HCAR1: variants seen among roughly 807,000 people sequenced by gnomAD.
HCAR1 encodes the protein G protein-coupled receptor 104.
For missense variants in HCAR1, 445 were observed against 448.7 expected, an observed-to-expected ratio of 0.99 and a Z score of 0.07; for synonymous variants, 183 against 182.1, an observed-to-expected ratio of 1.01 and a Z score of -0.04.
At position 122,729,606 on chromosome 12, in the gene HCAR1, CAGAGGAAAT is replaced by C; in HGVS notation, c.725_733del (p.Tyr242_Leu244del). 1 of 1,614,070 alleles carries C rather than the reference CAGAGGAAAT, an allele frequency of 6.2e-7. No individual in the cohort carries two copies. Among genetic ancestry groups the C allele is most frequent in the African/African-American group, 1.3e-5 (1 of 74,994 alleles). On this transcript the variant is annotated inframe_deletion, in exon 1 of 1. Transcript: ENST00000432564. ...ATCGCAGGCACTCGAGGGCACCGTC[CAGAGGAAAT>C]AGAGTCTAGCAGACACGCTGGGCAG...
Position 122,726,606 on chromosome 12 carries a change from A to G in HCAR1, c.*2693T>C, listed in dbSNP as rs1201661000. The stretch of plus-strand genomic sequence containing the variant: ...ACAGACGAGGAAAATGAAGCTACAA[A>G]TGATTAAATAAAATCTGCCAGGCTG... On this transcript the variant is annotated 3_prime_UTR_variant, in exon 1 of 1. Transcript: ENST00000432564. 1 of 152,148 alleles carries G rather than the reference A, an allele frequency of 6.6e-6. No homozygotes were observed. The highest frequency in any genetic ancestry group is 1.5e-5 in the Non-Finnish European group (1 of 68,044). 9.4% of individuals were successfully genotyped at this position (152,148 alleles called of 1,614,324 possible).
Position 122,729,429 on chromosome 12 carries a change from T to G in HCAR1, c.911A>C (p.His304Pro), listed in dbSNP as rs1310094464. 1 of 1,613,932 alleles carries G rather than the reference T, an allele frequency of 6.2e-7. No individual in the cohort carries two copies. Among genetic ancestry groups the G allele is most frequent in the Non-Finnish European group, 8.5e-7 (1 of 1,180,038 alleles). Residue 304 changes from histidine (H) to proline (P), a missense_variant, in exon 1 of 1, where the codon CAC (histidine) becomes CCC (proline). Transcript: ENST00000432564. Reference sequence around the variant, plus strand: ...CTCTTCCGGCCTTTGTGTTTTTGAGTGTCCTGGCTGCTTGGGTTTCAGACT... The same window carrying G: ...CTCTTCCGGCCTTTGTGTTTTTGAGGGTCCTGGCTGCTTGGGTTTCAGACT... ...ICSLKPKQPG[H>P]SKTQRPEEMP...
Position 122,730,260 on chromosome 12 carries a change from A to G in HCAR1, c.80T>C (p.Val27Ala). ...GACCCCATTGCCTAGTGCGCCCAGC[A>G]CAAAGGCCACAATGAGCAGCGGCGG... ...VMPPLLIVAF[V>A]LGALGNGVAL... is the part of the protein sequence containing the mutation. Residue 27 changes from valine (V) to alanine (A), a missense_variant, in exon 1 of 1, where the codon GTG becomes GCG. Physicochemically the swap from Val to Ala is moderately conservative, Grantham distance 64 (BLOSUM62 0). Coordinates refer to ENST00000432564, the MANE Select transcript of HCAR1 (RefSeq NM_032554.4). 6.2e-7 allele frequency: 1 copy of G among 1,611,402 alleles called. No individual in the cohort carries two copies. Among genetic ancestry groups the G allele is most frequent in the Non-Finnish European group, 8.5e-7 (1 of 1,178,324 alleles).
At position 122,730,217 on chromosome 12, in the gene HCAR1, G is replaced by A. The variant is rs74984046; in HGVS notation, c.123C>T (p.Cys41=). ...TGGGCTTCCAGGTCTTCATGTGGAA[G>A]CAGAAACCACACAGGGCGACCCCAT... The part of the protein sequence containing the change: ...LGNGVALCGF[C]FHMKTWKPST... Residue 41 remains cysteine, a synonymous_variant, in exon 1 of 1, where the codon TGC becomes TGT. Transcript: ENST00000432564. The A allele has an allele frequency of 4.2e-4, 670 of 1,614,208 alleles. 1 individual carries two copies. The East Asian group carries it at 6.8e-3, about 16-fold the overall frequency.
In HCAR1 at chr12:122,729,268, C is replaced by CT. The variant is rs1368412345; in HGVS notation, c.*30dup. Reference sequence around the variant, plus strand: ...CACGAGTTAATTCTAAGTCACCACTCTATCTTCCTCAGTGTTGTTGGTCTG... The same window carrying CT: ...CACGAGTTAATTCTAAGTCACCACTCTTATCTTCCTCAGTGTTGTTGGTCTG... On this transcript the variant is annotated 3_prime_UTR_variant, in exon 1 of 1. Transcript: ENST00000432564. 1.3e-6 allele frequency: 2 copies of CT among 1,594,238 alleles called. No homozygotes were observed. Among genetic ancestry groups the CT allele is most frequent in the East Asian group, 2.2e-5 (1 of 44,658 alleles).
Position 122,729,689 on chromosome 12 carries a change from C to T in HCAR1, c.651G>A (p.Lys217=). The T allele has an allele frequency of 1.2e-6, 2 of 1,613,948 alleles. No homozygotes were observed. Among genetic ancestry groups the T allele is most frequent in the Non-Finnish European group, 1.7e-6 (2 of 1,180,026 alleles). The change falls in exon 1 of 1, where the codon AAG becomes AAA. Residue 217 remains lysine (K), a synonymous_variant. Transcript: ENST00000432564. ...QQLARQARMK[K]ATRFIMVVAI... ...CCACCACCATGATGAACCGGGTCGCCTTCTTCATCCGAGCCTGTCTGGCCA... is the reference window on the plus strand; with the variant it reads ...CCACCACCATGATGAACCGGGTCGCTTTCTTCATCCGAGCCTGTCTGGCCA...
Position 122,729,103 on chromosome 12 carries a change from T to C in HCAR1, c.*196A>G, listed in dbSNP as rs894397215. On this transcript the variant is annotated 3_prime_UTR_variant, in exon 1 of 1. Coordinates refer to ENST00000432564, the MANE Select transcript of HCAR1 (RefSeq NM_032554.4). ...GATAAGAAAATGCAGCCAACTCACT[T>C]CAATCAACTGGAACCTCCCCAAAAG... 4 of 604,432 alleles carry C rather than the reference T, an allele frequency of 6.6e-6. No individual in the cohort carries two copies. Among genetic ancestry groups the C allele is most frequent in the Non-Finnish European group, 1.2e-5 (4 of 343,100 alleles). The allele number at this position is 604,432 out of a possible 1,614,324, so 37.4% of individuals were successfully genotyped here. A position where few individuals can be genotyped will look rare whatever the true frequency, so the allele number is the denominator to read the frequency against.
chr12:122,730,262 A>G lies in HCAR1; in HGVS notation c.78T>C (p.Phe26=). The change falls in exon 1 of 1, where the codon TTT becomes TTC. Residue 26 remains phenylalanine, a synonymous_variant. Transcript: ENST00000432564. ...CCCCATTGCCTAGTGCGCCCAGCACAAAGGCCACAATGAGCAGCGGCGGCA... is the reference window on the plus strand; with the variant it reads ...CCCCATTGCCTAGTGCGCCCAGCACGAAGGCCACAATGAGCAGCGGCGGCA... ...QVMPPLLIVA[F]VLGALGNGVA... The G allele has an allele frequency of 6.2e-7, 1 of 1,611,172 alleles. No homozygotes were observed. Among genetic ancestry groups the G allele is most frequent in the Non-Finnish European group, 8.5e-7 (1 of 1,178,144 alleles).
Position 122,727,519 on chromosome 12 carries a change from G to A in HCAR1, c.*1780C>T, listed in dbSNP as rs1297893473. The A allele has an allele frequency of 6.6e-6, 1 of 151,832 alleles. No homozygotes were observed. The highest frequency in any genetic ancestry group is 1.5e-5 in the Non-Finnish European group (1 of 68,012). 9.4% of individuals were successfully genotyped at this position (151,832 alleles called of 1,614,324 possible). A position where few individuals can be genotyped will look rare whatever the true frequency, so the allele number is the denominator to read the frequency against. ...TTTCACTCCTGTGGCCCAGTCTGGA[G>A]TGCAATGGCACGATGTCACCTCACC... On this transcript the variant is annotated 3_prime_UTR_variant, in exon 1 of 1. Coordinates refer to ENST00000432564, the MANE Select transcript of HCAR1 (RefSeq NM_032554.4).
Position 122,728,090 on chromosome 12 carries a change from C to G in HCAR1, c.*1209G>C, listed in dbSNP as rs371544819. ...CTCTTAACTTCTCTGTCCCCACCCC[C>G]CCAAAAAACTTTACTGTCACATAAG... On this transcript the variant is annotated 3_prime_UTR_variant, in exon 1 of 1. Transcript: ENST00000432564. 1 of 152,054 alleles carries G rather than the reference C, an allele frequency of 6.6e-6. No individual in the cohort carries two copies. The highest frequency in any genetic ancestry group is 1.5e-5 in the Non-Finnish European group (1 of 68,028). The allele number at this position is 152,054 out of a possible 1,614,324, so 9.4% of individuals were successfully genotyped here. A position where few individuals can be genotyped will look rare whatever the true frequency, so the allele number is the denominator to read the frequency against.
Position 122,729,565 on chromosome 12 carries a change from C to T in HCAR1, c.775G>A (p.Ala259Thr), listed in dbSNP as rs915639443. 6 of 1,613,868 alleles carry T rather than the reference C, an allele frequency of 3.7e-6. No homozygotes were observed. The highest frequency in any genetic ancestry group is 2.7e-5 in the African/African-American group (2 of 74,854). ...SSACDPSVHGALHITLSFTYM... is the reference protein window; with the variant it reads ...SSACDPSVHGTLHITLSFTYM... ...GTGAAGCTGAGGGTTATGTGCAGGG[C>T]CCCATGGACAGAGGGATCGCAGGCA... Residue 259 changes from alanine (A) to threonine (T), a missense_variant, in exon 1 of 1, where the codon GCC becomes ACC. Ala to Thr is a moderately conservative substitution (Grantham distance 58). Transcript: ENST00000432564.
At position 122,726,431 on chromosome 12, in the gene HCAR1, CAACA is replaced by C. The variant is rs1426118963; in HGVS notation, c.*2864_*2867del. ...CTTTACATGCACTTAATCATTCATT[CAACA>C]AACATTTACTGAGCACCTGCTATGT... On this transcript the variant is annotated 3_prime_UTR_variant, in exon 1 of 1. Coordinates refer to ENST00000432564, the MANE Select transcript of HCAR1 (RefSeq NM_032554.4). 2.0e-5 allele frequency: 3 copies of C among 152,222 alleles called. No homozygotes were observed. Among genetic ancestry groups the C allele is most frequent in the Non-Finnish European group, 2.9e-5 (2 of 68,048 alleles). 9.4% of individuals were successfully genotyped at this position (152,222 alleles called of 1,614,324 possible).
chr12:122,729,682 G>A lies in HCAR1; in HGVS notation c.658C>T (p.Arg220Trp). The A allele has an allele frequency of 3.1e-6, 5 of 1,613,980 alleles. No individual in the cohort carries two copies. The highest frequency in any genetic ancestry group is 1.1e-5 in the South Asian group (1 of 91,072). ...ARQARMKKAT[R>W]FIMVVAIVFI... Reference sequence around the variant, plus strand: ...ACAATTGCCACCACCATGATGAACCGGGTCGCCTTCTTCATCCGAGCCTGT... The same window carrying A: ...ACAATTGCCACCACCATGATGAACCAGGTCGCCTTCTTCATCCGAGCCTGT... Residue 220 changes from arginine (R) to tryptophan (W), a missense_variant, in exon 1 of 1, where the codon CGG (arginine) becomes TGG (tryptophan). By Grantham distance (101) the Arg-to-Trp change is moderately radical. Transcript: ENST00000432564.
In HCAR1 at chr12:122,727,629, G is replaced by A. The variant is rs1877827840; in HGVS notation, c.*1670C>T. ...ATTATAGGCATGCGCCACCACACCA[G>A]GCTAATTTTGAATTTTTAGTAGAGA... On this transcript the variant is annotated 3_prime_UTR_variant, in exon 1 of 1. Transcript: ENST00000432564. The A allele has an allele frequency of 6.6e-6, 1 of 152,170 alleles. No individual in the cohort carries two copies. Among genetic ancestry groups the A allele is most frequent in the Non-Finnish European group, 1.5e-5 (1 of 68,076 alleles). The allele number at this position is 152,170 out of a possible 1,614,324, so 9.4% of individuals were successfully genotyped here. A position where few individuals can be genotyped will look rare whatever the true frequency, so the allele number is the denominator to read the frequency against.
In HCAR1 at chr12:122,730,050, A is replaced by G. The variant is rs1877900883; in HGVS notation, c.290T>C (p.Met97Thr). 6.2e-7 allele frequency: 1 copy of G among 1,614,040 alleles called. No homozygotes were observed. The highest frequency in any genetic ancestry group is 1.3e-5 in the African/African-American group (1 of 74,912). Reference protein sequence around the residue: ...PCRVGLFTLAMNRAGSIVFLT... With the variant: ...PCRVGLFTLATNRAGSIVFLT... ...GAACACGATGCTCCCGGCCCTGTTCATGGCCAACGTGAAGAGCCCCACTCG... is the reference window on the plus strand; with the variant it reads ...GAACACGATGCTCCCGGCCCTGTTCGTGGCCAACGTGAAGAGCCCCACTCG... The change falls in exon 1 of 1, where the codon ATG becomes ACG. Residue 97 changes from methionine (M) to threonine (T), a missense_variant. Physicochemically the swap from Met to Thr is moderately conservative, Grantham distance 81 (BLOSUM62 -1). Coordinates refer to ENST00000432564, the MANE Select transcript of HCAR1 (RefSeq NM_032554.4).
chr12:122,730,254 C>G lies in HCAR1; in HGVS notation c.86G>C (p.Gly29Ala), dbSNP rs753319794. The G allele has an allele frequency of 3.1e-6, 5 of 1,612,762 alleles. No homozygotes were observed. Among genetic ancestry groups the G allele is most frequent in the Non-Finnish European group, 4.2e-6 (5 of 1,179,106 alleles). Reference sequence around the variant, plus strand: ...CAGGGCGACCCCATTGCCTAGTGCGCCCAGCACAAAGGCCACAATGAGCAG... The same window carrying G: ...CAGGGCGACCCCATTGCCTAGTGCGGCCAGCACAAAGGCCACAATGAGCAG... Reference protein sequence around the residue: ...PPLLIVAFVLGALGNGVALCG... With the variant: ...PPLLIVAFVLAALGNGVALCG... The change falls in exon 1 of 1, where the codon GGC (glycine) becomes GCC (alanine). Residue 29 changes from glycine (G) to alanine (A), a missense_variant. Transcript: ENST00000432564.
rs1372649539 is a variant in HCAR1, at chr12:122,730,034, G to A, written c.306C>T (p.Ser102=). ...CAGCCACCACCGTAAGGAACACGAT[G>A]CTCCCGGCCCTGTTCATGGCCAACG... The part of the protein sequence containing the change: ...LFTLAMNRAG[S]IVFLTVVAAD... Residue 102 remains serine, a synonymous_variant, in exon 1 of 1, where the codon AGC becomes AGT. Coordinates refer to ENST00000432564, the MANE Select transcript of HCAR1 (RefSeq NM_032554.4). 2 of 1,614,032 alleles carry A rather than the reference G, an allele frequency of 1.2e-6. No homozygotes were observed. The highest frequency in any genetic ancestry group is 2.2e-5 in the East Asian group (1 of 44,882).
chr12:122,729,885 AG>A lies in HCAR1; in HGVS notation c.454del (p.Leu152TrpfsTer52). 1 of 1,611,558 alleles carries A rather than the reference AG, an allele frequency of 6.2e-7. No individual in the cohort carries two copies. Among genetic ancestry groups the A allele is most frequent in the Non-Finnish European group, 8.5e-7 (1 of 1,178,234 alleles). On this transcript the variant is annotated frameshift_variant, in exon 1 of 1. Transcript: ENST00000432564. LOFTEE classifies it low-confidence loss of function (END_TRUNC). ...LVILGTVYLL[L>X]ENHLCVQETA... ...CTCTTGCACGCAGAGATGGTTCTCC[AG>A]CAAAAGATACACTGTTCCCAGGATG...
rs1555249868 is a variant in HCAR1 at position 122,726,940 on chromosome 12, T to TATATAGATAGATAG, written c.*2358_*2359insCTATCTATCTATAT. ...AAAAAAAAAAAAAAATATATATATATATAGATAGATAGATATCTATATATC... is the reference window on the plus strand; with the variant it reads ...AAAAAAAAAAAAAAATATATATATATATATAGATAGATAGATAGATAGATAGATATCTATATATC... On this transcript the variant is annotated 3_prime_UTR_variant, in exon 1 of 1. Transcript: ENST00000432564. 1 of 131,402 alleles carries TATATAGATAGATAG rather than the reference T, an allele frequency of 7.6e-6. No homozygotes were observed. Among genetic ancestry groups the TATATAGATAGATAG allele is most frequent in the African/African-American group, 3.1e-5 (1 of 32,672 alleles). 8.1% of individuals were successfully genotyped at this position (131,402 alleles called of 1,614,324 possible). A position where few individuals can be genotyped will look rare whatever the true frequency, so the allele number is the denominator to read the frequency against.
Sources: gnomAD v4.1 joint callset for allele counts on GRCh38, gnomAD v4.1.1 for gene constraint, MANE v1.5 for transcripts, NCBI Gene and HGNC (gene_info 2026-07-23, HGNC 2026-07-21) for gene names.